The following DHX30 variants were observed in gnomAD, a reference collection of about 807,000 sequenced individuals.
The protein encoded by DHX30 is DExH-box helicase 30.
In DHX30, 4 loss-of-function variants were observed where a neutral mutation model predicts 116.9. That is an observed-to-expected ratio of 0.03 (90% CI 0.02 to 0.08). The LOEUF is 0.08. Among genes scored for constraint, DHX30 ranks in the 10% least tolerant of loss-of-function variants. The pLI, the probability that DHX30 is intolerant of heterozygous loss-of-function variation, is 1.00. For synonymous variants in DHX30, 697 were observed against 651.7 expected (o/e 1.07, Z -1.06); for missense variants, 871 against 1,595.1 (o/e 0.55, Z 7.73).
intron 6 of DHX30, among the ~76,000 whole-genome samples, 177 bp downstream of exon 6, chr3:47,829,311 T>A (rs2036709776): frequency 3.4e-5 from 1 of 29,768 alleles, no homozygotes; most frequent in African/African-American, 7.4e-5. Flanking sequence ...TATATATATA[T>A]ATATTTTTTT....
intron 3 of DHX30, among the ~76,000 whole-genome samples, chr3:47,815,723 CAAAAA>C (rs11349970): frequency 6.3e-4 from 13 of 20,760 alleles, no homozygotes; most frequent in African/African-American, 1.3e-3. Flanking sequence ...TAAAAAAGAG[CAAAAA>C]AAAAAAAAAA....
intron 3 of DHX30, among the ~76,000 whole-genome samples, chr3:47,811,431 C>T (rs969935113): frequency 7.2e-5 from 11 of 152,110 alleles, no homozygotes; most frequent in African/African-American, 2.4e-4. Context: ...CTCCCTGTAG[C>T]CAGGGCCTGT....
chr3:47,848,471 G>C lies in DHX30; in HGVS notation c.2496G>C (p.Ala832=). The C allele has an allele frequency of 1.2e-6, 2 of 1,614,110 alleles. No individual in the cohort carries two copies. The highest frequency in any genetic ancestry group is 1.7e-6 in the Non-Finnish European group (2 of 1,180,006). ...GGCGGGCTCTGGCTCTGTCATAGGC[G>C]GTGGAGTTCCTGTCCAAGGCTGTGG... ...QAKIHMPEKT[A]VEFLSKAVDS... is the part of the protein sequence containing the mutation. The change falls in exon 16 of 22, where the codon GCG becomes GCC. Residue 832 remains alanine (A), a splice_region_variant and synonymous_variant. Coordinates refer to ENST00000445061, the MANE Select transcript of DHX30 (RefSeq NM_138615.3). This position sits in a 1 kb window ranked among gnomAD's most constrained non-coding sequence, Gnocchi z 9.4.
At chr3:47,812,663 CTTT>C (rs767722186) in intron 3 of DHX30, among the ~76,000 whole-genome samples, 7 of 140,984 alleles carry the variant, frequency 5.0e-5, no homozygotes, top group Admixed American at 1.4e-4. Flanking sequence ...ATTACATTTC[CTTT>C]TTTTTTTTTT....
intron 3 of DHX30, chr3:47,816,640 G>A (rs1024869156): frequency 7.1e-6 from 7 of 985,368 alleles, no homozygotes; most frequent in Non-Finnish European, 8.4e-6. Context: ...ATAGGCGTGA[G>A]CCACCGCGCC....
In DHX30 at chr3:47,850,053, C is replaced by A; in HGVS notation, c.3518C>A (p.Ala1173Glu). The A allele has an allele frequency of 6.2e-7, 1 of 1,600,020 alleles. No homozygotes were observed. The highest frequency in any genetic ancestry group is 8.5e-7 in the Non-Finnish European group (1 of 1,175,022). ...SVQEEHGQLL[A>E]LLAELLRGPC... Reference sequence around the variant, plus strand: ...CAGGAGGAGCACGGGCAGCTGCTTGCGCTACTGGCAGAGCTGCTGCGAGGA... The same window carrying A: ...CAGGAGGAGCACGGGCAGCTGCTTGAGCTACTGGCAGAGCTGCTGCGAGGA... The change falls in exon 22 of 22, where the codon GCG becomes GAG. Residue 1173 changes from alanine to glutamate, a missense_variant. By Grantham distance (107) the Ala-to-Glu change is moderately radical. Transcript: ENST00000445061.
Position 47,846,644 on chromosome 3 carries a change from G to A in DHX30, c.1572G>A (p.Lys524=), listed in dbSNP as rs1241879968. 4 of 1,613,910 alleles carry A rather than the reference G, an allele frequency of 2.5e-6. No homozygotes were observed. The Admixed American group carries it at 6.7e-5, about 27-fold the overall frequency. ...GCTTCCAGGTGCGGTTGGAAAGTAA[G>A]CCCCCATCCCGAGGCGGGGCCCTGC... ...NVGFQVRLES[K]PPSRGGALLF... Residue 524 remains lysine, a synonymous_variant, in exon 11 of 22, where the codon AAG becomes AAA. Coordinates refer to ENST00000445061, the MANE Select transcript of DHX30 (RefSeq NM_138615.3).
At position 47,846,504 on chromosome 3, in the gene DHX30, G is replaced by A. The variant is rs764888486; in HGVS notation, c.1432G>A (p.Glu478Lys). The A allele has an allele frequency of 1.7e-5, 27 of 1,613,912 alleles. No homozygotes were observed. Among genetic ancestry groups the A allele is most frequent in the South Asian group, 2.2e-5 (2 of 91,090 alleles). Residue 478 changes from glutamate to lysine, a missense_variant, in exon 11 of 22, where the codon GAG (glutamate) becomes AAG (lysine). Glu to Lys is a moderately conservative substitution (Grantham distance 56). Coordinates refer to ENST00000445061, the MANE Select transcript of DHX30 (RefSeq NM_138615.3). ...GCTGTTGCTGGAGCGCTATGTGACCGAGGGCCGAGGTGCCCGCTGCAATGT... is the reference window on the plus strand; with the variant it reads ...GCTGTTGCTGGAGCGCTATGTGACCAAGGGCCGAGGTGCCCGCTGCAATGT... ...PQLLLERYVT[E>K]GRGARCNVII...
At chr3:47,816,376 T>A in intron 3 of DHX30, 2 of 974,016 alleles carry the variant, frequency 2.1e-6, no homozygotes, top group Non-Finnish European at 2.4e-6. Flanking sequence ...TTTTTTTTTT[T>A]AAGACGGAGT....
chr3:47,831,809 C>A (rs2036865167), intron 6 of DHX30, among the ~76,000 whole-genome samples: 1 of 151,516 alleles, frequency 6.6e-6, no homozygotes, highest in South Asian at 2.1e-4. Flanking sequence ...CTGCACCCAG[C>A]CTATGTGTAT....
intron 3 of DHX30, 37 bp downstream of exon 3, chr3:47,810,748 C>T (rs370146566): frequency 1.5e-5 from 24 of 1,606,816 alleles, no homozygotes; most frequent in Non-Finnish European, 1.9e-5. Context: ...TCATGCCCTT[C>T]CTTATTGGGA....
chr3:47,849,465 G>A lies in DHX30; in HGVS notation c.3102G>A (p.Lys1034=). ...YPNLIQVRQG[K]VTRQGKFKPN... ...CATCCCTGCAGGTGAGGCAGGGCAA[G>A]GTCACCCGGCAGGGGAAGTTCAAGC... Residue 1034 remains lysine (K), a synonymous_variant, in exon 20 of 22, where the codon AAG becomes AAA. Transcript: ENST00000445061. 1 of 1,574,884 alleles carries A rather than the reference G, an allele frequency of 6.3e-7. No individual in the cohort carries two copies. Among genetic ancestry groups the A allele is most frequent in the Non-Finnish European group, 8.6e-7 (1 of 1,156,618 alleles).
chr3:47,845,640 T>G, intron 9 of DHX30, 60 bp from the exon 10 acceptor site: 1 of 1,447,392 alleles, frequency 6.9e-7, no homozygotes, highest in Non-Finnish European at 9.2e-7. Flanking sequence ...CCTGAGCTTG[T>G]CTGGGCTGGT....
chr3:47,816,352 T>C (rs1056830171), intron 3 of DHX30: 18 of 944,032 alleles, frequency 1.9e-5, no homozygotes, highest in South Asian at 1.5e-4. Context: ...CAAAGAGCCG[T>C]CTTCTTTTTT....
At chr3:47,816,798 C>G (rs1263046031) in intron 3 of DHX30, 1 of 985,226 alleles carries the variant, frequency 1.0e-6, no homozygotes, top group Non-Finnish European at 1.2e-6. Context: ...GGACTTGCTT[C>G]TCCCCTAACA....
chr3:47,833,508 G>A (rs1224710491), intron 6 of DHX30, among the ~76,000 whole-genome samples: 8 of 125,836 alleles, frequency 6.4e-5, no homozygotes, highest in Non-Finnish European at 1.3e-4. Context: ...CTCCAGCCTG[G>A]GCAGCAAAGC....
chr3:47,805,217 T>G (rs2035462714), intron 1 of DHX30, 109 bp from the exon 2 acceptor site: 1 of 396,430 alleles, frequency 2.5e-6, no homozygotes, highest in South Asian at 1.4e-4. Flanking sequence ...TATGTGCCCT[T>G]CATGCCACTA....
In DHX30 at chr3:47,847,405, G is replaced by A. The variant is rs756849902; in HGVS notation, c.2006-27G>A. 6.8e-6 allele frequency: 11 copies of A among 1,614,114 alleles called. No homozygotes were observed. The highest frequency in any genetic ancestry group is 9.3e-6 in the Non-Finnish European group (11 of 1,179,954). On this transcript the variant is annotated intron_variant, in intron 12 of 21. Transcript: ENST00000445061. The surrounding 1 kb of genome is among the most constrained non-coding windows in gnomAD (Gnocchi z 5.5). Reference sequence around the variant, plus strand: ...CCTGGCCACGTTTGCAGCAACAGCTGGCTCATGCCCCAGGGCTCCTTTACA... The same window carrying A: ...CCTGGCCACGTTTGCAGCAACAGCTAGCTCATGCCCCAGGGCTCCTTTACA...
At position 47,847,457 on chromosome 3, in the gene DHX30, G is replaced by A. The variant is rs1272002802; in HGVS notation, c.2031G>A (p.Gly677=). ...EPGGILCFLP[G]WQEIKGVQQR... is the part of the protein sequence containing the mutation. ...GTGGGATCCTGTGCTTCCTGCCTGG[G>A]TGGCAGGAGATCAAAGGAGTGCAGC... Residue 677 remains glycine (G), a synonymous_variant, in exon 13 of 22, where the codon GGG becomes GGA. Coordinates refer to ENST00000445061, the MANE Select transcript of DHX30 (RefSeq NM_138615.3). The surrounding 1 kb of genome is among the most constrained non-coding windows in gnomAD (Gnocchi z 5.5). 1 of 1,613,048 alleles carries A rather than the reference G, an allele frequency of 6.2e-7. No individual in the cohort carries two copies. The highest frequency in any genetic ancestry group is 8.5e-7 in the Non-Finnish European group (1 of 1,179,178).
Sources: gnomAD v4.1 joint callset for allele counts (sites outside exome capture counted in the v4.1 genomes callset) on GRCh38, gnomAD v4.1.1 for gene constraint, Gnocchi (gnomAD v3.1) non-coding constraint, MANE v1.5 for transcripts, NCBI Gene and HGNC (gene_info 2026-07-23, HGNC 2026-07-21) for gene names.